The following PTPRD variants were observed in gnomAD, a reference collection of about 807,000 sequenced individuals.
PTPRD encodes the protein receptor-type tyrosine-protein phosphatase delta.
A neutral mutation model predicts 214.5 loss-of-function variants in PTPRD; 34 were observed. The observed-to-expected ratio is 0.16, with a 90% CI of 0.12 to 0.21. The LOEUF (loss-of-function observed/expected upper bound fraction) is 0.21, where lower values mean the gene tolerates loss of function less well. PTPRD is among the 10% of genes least tolerant of loss of function. The pLI is 1.00. For missense variants in PTPRD, 2,545 were observed against 2,398.7 expected, an observed-to-expected ratio of 1.06 and a Z score of -1.27; for synonymous variants, 1,128 against 845.7, an observed-to-expected ratio of 1.33 and a Z score of -5.79.
chr9:9,396,901 A>G (rs1334716180), intron 9 of PTPRD, among the ~76,000 whole-genome samples: 1 of 152,016 alleles, frequency 6.6e-6, no homozygotes, highest in Non-Finnish European at 1.5e-5. Context: ...TATTCTTCCA[A>G]GAGAGACATA....
rs1262436283 is a variant in PTPRD at position 9,847,026 on chromosome 9, T to C, written c.-367-80175A>G. 3.3e-5 allele frequency among the ~76,000 whole-genome samples: 5 copies of C among 152,078 alleles called. No homozygotes were observed. In the East Asian group the frequency reaches 9.6e-4, roughly 29 times the overall value. ...AGAAAAAAATAAAGCATCCAGACAT[T>C]CAAGTAATTAGGTTTTTCTTCTGAA... On this transcript the variant is annotated intron_variant, in intron 5 of 45. Coordinates refer to ENST00000381196, the MANE Select transcript of PTPRD (RefSeq NM_002839.4).
intron 11 of PTPRD, among the ~76,000 whole-genome samples, chr9:8,791,925 T>C (rs7862354): frequency 0.4 from 60,929 of 151,964 alleles, 13,081 homozygotes; most frequent in Middle Eastern, 0.52. Context: ...GCCAGACCTT[T>C]ATCCTTCCCT....
chr9:9,217,054 T>C (rs1412836444), intron 9 of PTPRD, among the ~76,000 whole-genome samples: 3 of 152,136 alleles, frequency 2.0e-5, no homozygotes, highest in Non-Finnish European at 4.4e-5. Context: ...TAACATTTTT[T>C]TTAATCCTTA....
intron 2 of PTPRD, among the ~76,000 whole-genome samples, chr9:10,352,843 A>G (rs2097205596): frequency 6.6e-6 from 1 of 152,032 alleles, no homozygotes; most frequent in African/African-American, 2.4e-5. Flanking sequence ...TTATCTAGAG[A>G]AATCCTCATT....
At chr9:8,975,603 A>G (rs1260262850) in intron 11 of PTPRD, among the ~76,000 whole-genome samples, 1 of 152,000 alleles carries the variant, frequency 6.6e-6, no homozygotes, top group East Asian at 1.9e-4. Flanking sequence ...ATCTGCAAAG[A>G]ATAAACATTG....
At chr9:10,235,090 T>C (rs1444868705) in intron 3 of PTPRD, among the ~76,000 whole-genome samples, 1 of 151,952 alleles carries the variant, frequency 6.6e-6, no homozygotes, top group Non-Finnish European at 1.5e-5. Context: ...ATTTTAATTT[T>C]CTAGACAGCC....
intron 4 of PTPRD, among the ~76,000 whole-genome samples, chr9:9,947,424 ATT>A (rs1491541481): frequency 1.5e-4 from 5 of 32,824 alleles, no homozygotes; most frequent in African/African-American, 8.5e-4. Context: ...TTATATATAT[ATT>A]ATATATATAT....
At chr9:8,507,268 T>A (rs1277518349) in intron 22 of PTPRD, 33 bp downstream of exon 22, 3 of 1,598,532 alleles carry the variant, frequency 1.9e-6, no homozygotes, top group Non-Finnish European at 1.7e-6. Flanking sequence ...ACGTAATGAA[T>A]AATTCCCAAG....
chr9:9,810,495 A>C (rs1378404477), intron 5 of PTPRD, among the ~76,000 whole-genome samples: 1 of 152,054 alleles, frequency 6.6e-6, no homozygotes, highest in Non-Finnish European at 1.5e-5. Flanking sequence ...AATTATGTTA[A>C]ATCTACTCTG....
chr9:9,760,669 C>A (rs963791856), intron 6 of PTPRD, among the ~76,000 whole-genome samples: 60 of 146,480 alleles, frequency 4.1e-4, no homozygotes, highest in African/African-American at 1.5e-3. Context: ...TATATATATT[C>A]CAGCACTGTT....
At chr9:10,358,093 A>G (rs140416253) in intron 2 of PTPRD, among the ~76,000 whole-genome samples, 80 of 152,248 alleles carry the variant, frequency 5.3e-4, no homozygotes, top group African/African-American at 1.8e-3. Context: ...TACATATCTG[A>G]TAGAGGACAA....
At chr9:9,551,812 T>G (rs1434363986) in intron 8 of PTPRD, among the ~76,000 whole-genome samples, 1 of 152,004 alleles carries the variant, frequency 6.6e-6, no homozygotes, top group Non-Finnish European at 1.5e-5. Flanking sequence ...AACTTATGTA[T>G]CTGCTAGTGG....
chr9:10,006,468 T>C lies in PTPRD; in HGVS notation c.-472+27250A>G, dbSNP rs529375391. On this transcript the variant is annotated intron_variant, in intron 4 of 45. Transcript: ENST00000381196. Reference sequence around the variant, plus strand: ...CCGTTACTTATTCTTTATGATCTAGTCCATATATCCTCCCAATGTTAGAAT... The same window carrying C: ...CCGTTACTTATTCTTTATGATCTAGCCCATATATCCTCCCAATGTTAGAAT... Among the ~76,000 whole-genome samples the C allele has an allele frequency of 4.3e-3, 652 of 152,112 alleles. 7 individuals are homozygous for C. The highest frequency in any genetic ancestry group is 7.2e-3 in the Non-Finnish European group (486 of 67,916).
rs1249333938 is a variant in PTPRD, at chr9:10,271,530, G to C, written c.-545+69433C>G. Among the ~76,000 whole-genome samples the C allele has an allele frequency of 2.0e-4, 23 of 117,798 alleles. No individual in the cohort carries two copies. The East Asian group carries it at 5.1e-3, about 26-fold the overall frequency. 77.3% of individuals were successfully genotyped at this position (117,798 alleles called of 152,430 possible). On this transcript the variant is annotated intron_variant, in intron 3 of 45. Transcript: ENST00000381196. ...CTAACCAATACTGATAAATTCAATT[G>C]TTTCTTTTCTTTTCTTTTCTTTTTT...
chr9:9,192,145 A>G (rs1395622722), intron 9 of PTPRD, among the ~76,000 whole-genome samples: 2 of 152,052 alleles, frequency 1.3e-5, no homozygotes, highest in Non-Finnish European at 2.9e-5. Context: ...CTTTTCCCAT[A>G]GTTGTTCAAT....
At chr9:8,770,857 T>TA (rs1420799417) in intron 11 of PTPRD, among the ~76,000 whole-genome samples, 1 of 151,832 alleles carries the variant, frequency 6.6e-6, no homozygotes, top group Non-Finnish European at 1.5e-5. Context: ...TTGAACGGAG[T>TA]AAAACTTCCC....
At chr9:9,311,627 A>G (rs561824632) in intron 9 of PTPRD, among the ~76,000 whole-genome samples, 1 of 152,266 alleles carries the variant, frequency 6.6e-6, no homozygotes, top group South Asian at 2.1e-4. Flanking sequence ...GATTTTCTAA[A>G]CCTACCCCAT....
chr9:10,050,509 G>A (rs1435838716), intron 3 of PTPRD, among the ~76,000 whole-genome samples: 4 of 119,186 alleles, frequency 3.4e-5, no homozygotes, highest in East Asian at 5.7e-4. Flanking sequence ...GCAGTGAGCC[G>A]AAATAGTGCC....
Position 8,433,652 on chromosome 9 carries a change from C to T in PTPRD, c.4086+2940G>A, listed in dbSNP as rs575570200. ...AGTTAATATAATTTAAATAGAAAAACGCTTATAAAATAAGGATATAAAGAA... is the reference window on the plus strand; with the variant it reads ...AGTTAATATAATTTAAATAGAAAAATGCTTATAAAATAAGGATATAAAGAA... On this transcript the variant is annotated intron_variant, in intron 35 of 45. Coordinates refer to ENST00000381196, the MANE Select transcript of PTPRD (RefSeq NM_002839.4). Among the ~76,000 whole-genome samples, 56 of 152,168 alleles carry T rather than the reference C, an allele frequency of 3.7e-4. 1 individual carries two copies. The South Asian group carries it at 0.01, about 28-fold the overall frequency.
Sources: allele counts gnomAD v4.1 joint callset (sites outside exome capture counted in the v4.1 genomes callset), GRCh38; gene constraint gnomAD v4.1.1; transcripts MANE v1.5; gene names NCBI Gene and HGNC (gene_info 2026-07-23, HGNC 2026-07-21).